The following MAF variants were observed in gnomAD, a reference collection of about 807,000 sequenced individuals.
The protein encoded by MAF is transcription factor Maf.
Under a neutral mutation model 22.0 loss-of-function variants are expected in MAF, and 10 were observed. That is an observed-to-expected ratio of 0.45 (90% CI 0.28 to 0.77). MAF has a LOEUF of 0.77. MAF is among the 30% of genes least tolerant of loss of function. MAF has a pLI of 0.12. For missense variants in MAF, 544 were observed against 548.4 expected (o/e 0.99, Z 0.08); for synonymous variants, 337 against 255.8 (o/e 1.32, Z -3.03).
chr16:79,316,138 G>A, the MAF span, among the ~76,000 whole-genome samples: 1 of 152,338 alleles, frequency 6.6e-6, no homozygotes, highest in African/African-American at 2.4e-5. Context: ...ACCTCAAGGC[G>A]TGGGCGCCTG....
the MAF span, among the ~76,000 whole-genome samples, chr16:79,514,495 G>A: frequency 0.012 from 1,852 of 152,260 alleles, 36 homozygotes; most frequent in African/African-American, 0.043. Flanking sequence ...TGTCAGTTGA[G>A]AATTGAAGAC....
At chr16:79,504,589 G>A in the MAF span, among the ~76,000 whole-genome samples, 1 of 152,152 alleles carries the variant, frequency 6.6e-6, no homozygotes, top group Admixed American at 6.5e-5. Flanking sequence ...ATGGATGGAT[G>A]GATGGATGGA....
the MAF span, among the ~76,000 whole-genome samples, chr16:79,416,659 G>A: frequency 6.6e-6 from 1 of 152,142 alleles, no homozygotes; most frequent in Admixed American, 6.5e-5. Context: ...TATTGTTCCT[G>A]GGAGCGCGGT....
the MAF span, among the ~76,000 whole-genome samples, chr16:79,258,905 G>A: frequency 5.7e-4 from 87 of 152,232 alleles, 2 homozygotes; most frequent in East Asian, 0.016. Context: ...GGGAGGGAGG[G>A]TAGAGAGAAG....
chr16:79,304,680 C>T, the MAF span, among the ~76,000 whole-genome samples: 3 of 152,088 alleles, frequency 2.0e-5, no homozygotes, highest in African/African-American at 7.2e-5. Flanking sequence ...GACAACCAGA[C>T]CCTAAAAAAC....
the MAF span, among the ~76,000 whole-genome samples, chr16:79,403,356 G>C: frequency 3.7e-4 from 57 of 152,280 alleles, no homozygotes; most frequent in African/African-American, 1.3e-3. Context: ...CTCTCGCCTG[G>C]GTTATCAACC....
the MAF span, among the ~76,000 whole-genome samples, chr16:79,208,047 A>C: frequency 6.6e-6 from 1 of 152,216 alleles, no homozygotes; most frequent in Non-Finnish European, 1.5e-5. Flanking sequence ...GTAGTTGAAG[A>C]TTGTGCTGCA....
chr16:79,497,110 G>C, the MAF span, among the ~76,000 whole-genome samples: 3 of 152,144 alleles, frequency 2.0e-5, no homozygotes, highest in African/African-American at 7.2e-5. Flanking sequence ...TGCAATGCCA[G>C]TGACTGTGTT....
the MAF span, chr16:79,505,677 G>C: frequency 6.6e-6 from 1 of 152,274 alleles, no homozygotes; most frequent in Non-Finnish European, 1.5e-5. Context: ...GGGCTGTTAA[G>C]TGTTGCCCAG....
the MAF span, among the ~76,000 whole-genome samples, chr16:79,301,832 A>G: frequency 6.6e-6 from 1 of 152,184 alleles, no homozygotes; most frequent in Non-Finnish European, 1.5e-5. Context: ...TAATCCCCAT[A>G]ATGACCCTGT....
the MAF span, among the ~76,000 whole-genome samples, chr16:79,557,550 G>A: frequency 4.6e-5 from 7 of 152,096 alleles, no homozygotes; most frequent in Middle Eastern, 6.8e-3. Context: ...TACTACTTAC[G>A]TGGCCTTGGG....
chr16:79,597,430 C>G (rs1401782742), intron 1 of MAF: 5 of 1,029,196 alleles, frequency 4.9e-6, no homozygotes, highest in Admixed American at 5.7e-5. Flanking sequence ...AAATTTTAGA[C>G]TGCTTCTCGG....
chr16:79,420,531 A>G, the MAF span, among the ~76,000 whole-genome samples: 2 of 152,168 alleles, frequency 1.3e-5, no homozygotes, highest in Non-Finnish European at 2.9e-5. Context: ...TTTTCAAATC[A>G]CTGCTGCCCC....
chr16:79,552,736 A>G, the MAF span, among the ~76,000 whole-genome samples: 4 of 151,902 alleles, frequency 2.6e-5, no homozygotes, highest in Admixed American at 6.6e-5. Flanking sequence ...TTCCCACTGG[A>G]TTTGCTACCA....
the MAF span, among the ~76,000 whole-genome samples, chr16:79,410,168 C>A: frequency 6.6e-6 from 1 of 152,178 alleles, no homozygotes; most frequent in African/African-American, 2.4e-5. Context: ...GTAACCAATC[C>A]AGCCGTTCCG....
At chr16:79,551,226 C>G in the MAF span, among the ~76,000 whole-genome samples, 3 of 152,118 alleles carry the variant, frequency 2.0e-5, no homozygotes, top group Non-Finnish European at 4.4e-5. Context: ...AGGAGTCAGA[C>G]TCCCCACTGG....
the MAF span, among the ~76,000 whole-genome samples, chr16:79,502,708 A>AATATAAATATATAT: frequency 4.1e-4 from 14 of 33,942 alleles, no homozygotes; most frequent in South Asian, 1.6e-3. Context: ...TATAAATATA[A>AATATAAATATATAT]ATATATATAT....
the MAF span, among the ~76,000 whole-genome samples, chr16:79,449,959 G>A: frequency 1.3e-5 from 2 of 152,206 alleles, no homozygotes; most frequent in African/African-American, 2.4e-5. Context: ...AAGATGGGCA[G>A]AAATTTCTTT....
At chr16:79,441,976 T>C in the MAF span, among the ~76,000 whole-genome samples, 21 of 152,262 alleles carry the variant, frequency 1.4e-4, no homozygotes, top group Admixed American at 1.2e-3. Flanking sequence ...GTGAAGGCTA[T>C]AGGCAGGGCT....
Sources: gnomAD v4.1 joint callset for allele counts (sites outside exome capture counted in the v4.1 genomes callset) on GRCh38, gnomAD v4.1.1 for gene constraint, MANE v1.5 for transcripts, NCBI Gene and HGNC (gene_info 2026-07-23, HGNC 2026-07-21) for gene names.